Variants in FMNL2 observed in about 807,000 individuals in gnomAD.
FMNL2 encodes the protein formin-like protein 2.
In FMNL2, 51 loss-of-function variants were observed where a neutral mutation model predicts 130.2. The ratio of observed to expected loss-of-function variants is 0.39; its 90% CI spans 0.31 to 0.49. The LOEUF (loss-of-function observed/expected upper bound fraction) is 0.49, where lower values mean the gene tolerates loss of function less well. Ranked by LOEUF, FMNL2 falls within the 20% of genes least tolerant of loss-of-function variation. FMNL2 has a pLI of 0.85. For synonymous variants in FMNL2, 465 were observed against 467.1 expected (o/e 1.00, Z 0.06); for missense variants, 977 against 1,316.2 (o/e 0.74, Z 3.99).
chr2:152,623,498 T>G (rs1291405573), intron 15 of FMNL2, among the ~76,000 whole-genome samples: 1 of 151,450 alleles, frequency 6.6e-6, no homozygotes, highest in Non-Finnish European at 1.5e-5. Flanking sequence ...TTGTGTGGAT[T>G]TATCAGATGA....
intron 1 of FMNL2, among the ~76,000 whole-genome samples, chr2:152,485,745 G>A (rs956174918): frequency 1.3e-5 from 2 of 152,178 alleles, no homozygotes; most frequent in Admixed American, 1.3e-4. Flanking sequence ...CCTTGAAGAA[G>A]GGTATTGTTC....
At chr2:152,490,240 G>A (rs1233379752) in intron 1 of FMNL2, among the ~76,000 whole-genome samples, 1 of 151,638 alleles carries the variant, frequency 6.6e-6, no homozygotes, top group Non-Finnish European at 1.5e-5. Context: ...CAGCAGTAGG[G>A]AATGAGTTTA....
intron 1 of FMNL2, among the ~76,000 whole-genome samples, chr2:152,427,380 C>G (rs1422117212): frequency 1.3e-5 from 2 of 151,994 alleles, no homozygotes; most frequent in African/African-American, 4.8e-5. Context: ...AACCCAGTCT[C>G]TACTAAAAAT....
intron 11 of FMNL2, among the ~76,000 whole-genome samples, chr2:152,614,215 TA>T (rs1698826872): frequency 6.6e-6 from 1 of 152,252 alleles, no homozygotes; most frequent in Non-Finnish European, 1.5e-5. Context: ...TATAACCTGT[TA>T]AAGCTGCTTT....
At chr2:152,468,356 A>G (rs931126740) in intron 1 of FMNL2, among the ~76,000 whole-genome samples, 1 of 152,208 alleles carries the variant, frequency 6.6e-6, no homozygotes, top group Non-Finnish European at 1.5e-5. Context: ...CTAGGAGCAA[A>G]CAGTTTAAGT....
intron 15 of FMNL2, chr2:152,620,846 C>T (rs574248203): frequency 4.5e-5 from 37 of 825,116 alleles, no homozygotes; most frequent in African/African-American, 9.3e-5. Flanking sequence ...ACTTCCACCC[C>T]GACTTCTATA....
chr2:152,611,172 C>G (rs945160291), intron 10 of FMNL2, among the ~76,000 whole-genome samples: 12 of 152,136 alleles, frequency 7.9e-5, no homozygotes, highest in African/African-American at 2.9e-4. Context: ...AACCCCATCT[C>G]TACTAAAAAT....
chr2:152,614,098 C>T (rs1476385335), intron 11 of FMNL2, among the ~76,000 whole-genome samples: 1 of 152,200 alleles, frequency 6.6e-6, no homozygotes, highest in Non-Finnish European at 1.5e-5. Context: ...CACCTCTCGC[C>T]TAACCTTCTT....
At chr2:152,406,883 A>G (rs906154843) in intron 1 of FMNL2, among the ~76,000 whole-genome samples, 1 of 152,160 alleles carries the variant, frequency 6.6e-6, no homozygotes, top group Non-Finnish European at 1.5e-5. Context: ...ATTTTTATAA[A>G]TGATTTAAAG....
intron 1 of FMNL2, among the ~76,000 whole-genome samples, chr2:152,457,401 T>G (rs1689015106): frequency 6.6e-6 from 1 of 152,222 alleles, no homozygotes; most frequent in Non-Finnish European, 1.5e-5. Context: ...TAAGTGAGGC[T>G]GGGAGAGAAG....
At chr2:152,353,693 T>TA (rs760957227) in intron 1 of FMNL2, among the ~76,000 whole-genome samples, 11 of 152,218 alleles carry the variant, frequency 7.2e-5, no homozygotes, top group Non-Finnish European at 1.6e-4. Context: ...TATTAAGTGA[T>TA]ATTGCTTAGT....
intron 12 of FMNL2, among the ~76,000 whole-genome samples, chr2:152,616,593 A>G (rs1415408830): frequency 6.6e-6 from 1 of 152,090 alleles, no homozygotes; most frequent in African/African-American, 2.4e-5. Flanking sequence ...TGGCCTCCCA[A>G]AGTGCTGGGA....
intron 1 of FMNL2, among the ~76,000 whole-genome samples, chr2:152,447,750 GTCCTT>G (rs941131296): frequency 6.6e-5 from 10 of 152,122 alleles, no homozygotes; most frequent in Admixed American, 2.0e-4. Context: ...CTCAAGAAGT[GTCCTT>G]TCCCTTCCCT....
At chr2:152,486,626 G>C (rs1336420835) in intron 1 of FMNL2, among the ~76,000 whole-genome samples, 2 of 152,168 alleles carry the variant, frequency 1.3e-5, no homozygotes, top group Admixed American at 1.3e-4. Context: ...GTTTCATTGA[G>C]TTAGTCCGTA....
At chr2:152,638,513 T>G (rs1682810607) in intron 23 of FMNL2, among the ~76,000 whole-genome samples, 1 of 152,240 alleles carries the variant, frequency 6.6e-6, no homozygotes, top group Non-Finnish European at 1.5e-5. Flanking sequence ...CACTAGGGGC[T>G]GAAGGCTCTG....
intron 1 of FMNL2, among the ~76,000 whole-genome samples, chr2:152,338,328 CAG>C (rs1681598049): frequency 6.6e-6 from 1 of 152,144 alleles, no homozygotes; most frequent in African/African-American, 2.4e-5. Flanking sequence ...CAATAATTAA[CAG>C]ACTGTTTCAA....
chr2:152,547,429 C>G (rs1374083319), intron 3 of FMNL2, among the ~76,000 whole-genome samples: 1 of 152,184 alleles, frequency 6.6e-6, no homozygotes, highest in Non-Finnish European at 1.5e-5. Context: ...TTTCCTACTT[C>G]TTACTATACC....
At chr2:152,619,383 T>G in intron 14 of FMNL2, 126 bp from the exon 15 acceptor site, 5 of 1,453,408 alleles carry the variant, frequency 3.4e-6, no homozygotes, top group Middle Eastern at 2.5e-4. Flanking sequence ...CATTTTTTGG[T>G]TTTTGAAAAC....
At chr2:152,547,407 G>A (rs2105519600) in intron 3 of FMNL2, among the ~76,000 whole-genome samples, 1 of 152,264 alleles carries the variant, frequency 6.6e-6, no homozygotes, top group Non-Finnish European at 1.5e-5. Context: ...CATCACATTG[G>A]GGACATTTTT....
Sources: gnomAD v4.1 joint callset for allele counts (sites outside exome capture counted in the v4.1 genomes callset) on GRCh38, gnomAD v4.1.1 for gene constraint, MANE v1.5 for transcripts, NCBI Gene and HGNC (gene_info 2026-07-23, HGNC 2026-07-21) for gene names.